The following CDC42BPB variants were observed in gnomAD, a reference collection of about 807,000 sequenced individuals.
The protein encoded by CDC42BPB is serine/threonine-protein kinase MRCK beta.
A neutral mutation model predicts 214.9 loss-of-function variants in CDC42BPB; 37 were observed. The observed-to-expected ratio is 0.17, with a 90% CI of 0.13 to 0.23. The LOEUF is 0.23. Ranked by LOEUF, CDC42BPB falls within the 10% of genes least tolerant of loss-of-function variation. The pLI is 1.00. For missense variants in CDC42BPB, 1,694 were observed against 2,227.0 expected, an observed-to-expected ratio of 0.76 and a Z score of 4.82; for synonymous variants, 931 against 884.0, an observed-to-expected ratio of 1.05 and a Z score of -0.94.
At chr14:102,986,839 G>A (rs1348254033) in intron 5 of CDC42BPB, 9 of 515,644 alleles carry the variant, frequency 1.7e-5, no homozygotes, top group African/African-American at 2.1e-5. Context: ...CCCAGCTAAC[G>A]AGCCCCTCCT....
chr14:102,940,173 C>A, intron 31 of CDC42BPB, 43 bp from the exon 32 acceptor site: 1 of 1,613,630 alleles, frequency 6.2e-7, no homozygotes, highest in Non-Finnish European at 8.5e-7. Context: ...CGGCCACGCA[C>A]AGACTGCACC....
chr14:103,045,578 C>T (rs1003368404), intron 1 of CDC42BPB, among the ~76,000 whole-genome samples: 8 of 152,170 alleles, frequency 5.3e-5, no homozygotes, highest in Non-Finnish European at 1.2e-4. Context: ...TTCTCATAAC[C>T]CCCTTCTCCT....
intron 1 of CDC42BPB, among the ~76,000 whole-genome samples, chr14:103,023,147 G>A (rs1886865236): frequency 6.7e-6 from 1 of 149,942 alleles, no homozygotes; most frequent in Non-Finnish European, 1.5e-5. Flanking sequence ...CAGACTACAG[G>A]TGCGCATTAT....
chr14:102,940,411 A>T, intron 30 of CDC42BPB, 87 bp from the exon 31 acceptor site: 1 of 1,541,084 alleles, frequency 6.5e-7, no homozygotes, highest in Non-Finnish European at 8.8e-7. Flanking sequence ...TTGGCACTTG[A>T]ACAAGTGCAG....
chr14:103,033,159 T>G (rs542867203), intron 1 of CDC42BPB, among the ~76,000 whole-genome samples: 2 of 152,216 alleles, frequency 1.3e-5, no homozygotes, highest in East Asian at 3.9e-4. Flanking sequence ...TGACTGTGAG[T>G]TGATAACTGT....
At chr14:102,992,118 G>A (rs1158050528) in intron 5 of CDC42BPB, among the ~76,000 whole-genome samples, 3 of 152,140 alleles carry the variant, frequency 2.0e-5, no homozygotes, top group Non-Finnish European at 4.4e-5. Flanking sequence ...GGGATGAGGG[G>A]TGGTGACCCC....
chr14:103,005,955 G>A (rs2139618210), intron 3 of CDC42BPB, among the ~76,000 whole-genome samples: 1 of 149,986 alleles, frequency 6.7e-6, no homozygotes, highest in African/African-American at 2.5e-5. Context: ...GGAGACCGAG[G>A]TCGCAGTGAG....
intron 1 of CDC42BPB, among the ~76,000 whole-genome samples, chr14:103,039,481 A>C (rs1595180462): frequency 6.6e-6 from 1 of 152,300 alleles, no homozygotes; most frequent in Admixed American, 6.5e-5. Flanking sequence ...ACAAACAAAA[A>C]CCAATTAATG....
intron 32 of CDC42BPB, 43 bp downstream of exon 32, chr14:102,940,003 C>A: frequency 6.2e-7 from 1 of 1,613,842 alleles, no homozygotes; most frequent in Non-Finnish European, 8.5e-7. Context: ...ACACGCCCCT[C>A]CAACTTCCCT....
At chr14:102,938,783 C>T (rs1302202046) in intron 34 of CDC42BPB, among the ~76,000 whole-genome samples, 2 of 151,878 alleles carry the variant, frequency 1.3e-5, no homozygotes, top group Non-Finnish European at 2.9e-5. Context: ...TGCCCACCAT[C>T]ACACCCAGCT....
rs894225558 is a variant in CDC42BPB, at chr14:103,017,900, G to A, written c.176-5712C>T. Among the ~76,000 whole-genome samples the A allele has an allele frequency of 5.3e-5, 8 of 152,218 alleles. No homozygotes were observed. The South Asian group carries it at 8.3e-4, about 16-fold the overall frequency. On this transcript the variant is annotated intron_variant, in intron 1 of 36. Coordinates refer to ENST00000361246, the MANE Select transcript of CDC42BPB (RefSeq NM_006035.4). ...CATTCCTGATTGTGTTGGTTACACC[G>A]TGGTTATGTAGAATATCCCTGTCTG...
chr14:102,983,146 T>A (rs1173118490), intron 7 of CDC42BPB, among the ~76,000 whole-genome samples: 2 of 152,076 alleles, frequency 1.3e-5, no homozygotes, highest in Non-Finnish European at 2.9e-5. Context: ...AACCAGTGAA[T>A]CTAGAGCCAC....
intron 4 of CDC42BPB, 46 bp downstream of exon 4, chr14:103,003,882 A>G: frequency 6.8e-7 from 1 of 1,478,370 alleles, no homozygotes; most frequent in South Asian, 1.2e-5. Context: ...TAAAGGAATA[A>G]AGCCGGAGCG....
At chr14:103,016,448 TGAG>T (rs1886463627) in intron 1 of CDC42BPB, among the ~76,000 whole-genome samples, 1 of 126,986 alleles carries the variant, frequency 7.9e-6, no homozygotes, top group Non-Finnish European at 1.7e-5. Flanking sequence ...TGGGGTGGAG[TGAG>T]GAGGACATCA....
chr14:102,949,416 G>A (rs1344441683), intron 26 of CDC42BPB, among the ~76,000 whole-genome samples: 1 of 152,032 alleles, frequency 6.6e-6, no homozygotes, highest in Non-Finnish European at 1.5e-5. Context: ...ACAGACGGCT[G>A]TGGGCCGCGT....
intron 5 of CDC42BPB, among the ~76,000 whole-genome samples, chr14:102,996,531 G>C (rs1164482712): frequency 6.6e-6 from 1 of 151,982 alleles, no homozygotes; most frequent in East Asian, 1.9e-4. Flanking sequence ...CTAACTTATG[G>C]GCCGGGGGAG....
intron 1 of CDC42BPB, among the ~76,000 whole-genome samples, chr14:103,051,426 T>TAAAAA (rs549332515): frequency 7.4e-5 from 6 of 80,860 alleles, no homozygotes; most frequent in Admixed American, 2.8e-4. Flanking sequence ...CTCTTCCAGC[T>TAAAAA]AAAAAAAAAA....
At position 103,001,308 on chromosome 14, in the gene CDC42BPB, G is replaced by C. The variant is rs1330322548; in HGVS notation, c.448-1595C>G. On this transcript the variant is annotated intron_variant, in intron 4 of 36. Transcript: ENST00000361246. This position sits in a 1 kb window ranked among gnomAD's most constrained non-coding sequence, Gnocchi z 5.8. ...GGGGTGCTGGCATGCACGAGACAGC[G>C]AGGTCCCTGGCTCAGCAGAGCTCAC... 6.6e-6 allele frequency among the ~76,000 whole-genome samples: 1 copy of C among 152,164 alleles called. No individual in the cohort carries two copies. Among genetic ancestry groups the C allele is most frequent in the African/African-American group, 2.4e-5 (1 of 41,452 alleles).
intron 24 of CDC42BPB, among the ~76,000 whole-genome samples, chr14:102,950,927 T>C (rs1167879138): frequency 1.3e-5 from 2 of 152,022 alleles, no homozygotes; most frequent in South Asian, 2.1e-4. Context: ...GACCACACTA[T>C]TGCACTCCAG....
Sources: gnomAD v4.1 joint callset for allele counts (sites outside exome capture counted in the v4.1 genomes callset) on GRCh38, gnomAD v4.1.1 for gene constraint, Gnocchi (gnomAD v3.1) non-coding constraint, MANE v1.5 for transcripts, NCBI Gene and HGNC (gene_info 2026-07-23, HGNC 2026-07-21) for gene names.